Variants in USH2A observed in about 807,000 individuals in gnomAD.
The protein encoded by USH2A is Usher syndrome 2A (autosomal recessive, mild).
In USH2A, 443 loss-of-function variants were observed where a neutral mutation model predicts 538.9. The ratio of observed to expected loss-of-function variants is 0.82; its 90% CI spans 0.76 to 0.89. The LOEUF (loss-of-function observed/expected upper bound fraction) is 0.89. Among genes scored for constraint, USH2A ranks in the 40% least tolerant of loss-of-function variants. The pLI is 0.00. For missense variants in USH2A, 6,633 were observed against 6,324.8 expected (o/e 1.05, Z -1.65); for synonymous variants, 2,413 against 2,273.5 (o/e 1.06, Z -1.75).
intron 44 of USH2A, among the ~76,000 whole-genome samples, chr1:215,851,884 A>T (rs1466986216): frequency 6.6e-6 from 1 of 152,100 alleles, no homozygotes; most frequent in Non-Finnish European, 1.5e-5. Context: ...ATGGTTTAAC[A>T]TATGCAAGTC....
At chr1:216,214,915 T>C (rs893340583) in intron 15 of USH2A, among the ~76,000 whole-genome samples, 1 of 152,054 alleles carries the variant, frequency 6.6e-6, no homozygotes, top group Non-Finnish European at 1.5e-5. Context: ...CTAACTAGAA[T>C]ATCATTCGCT....
chr1:215,871,797 G>A (rs1664628416), intron 43 of USH2A, among the ~76,000 whole-genome samples: 1 of 152,120 alleles, frequency 6.6e-6, no homozygotes, highest in Non-Finnish European at 1.5e-5. Flanking sequence ...ATATCCAGCT[G>A]GGAAGTCTTC....
rs777589035 is a variant in USH2A, at chr1:216,089,029, C to T, written c.4869G>A (p.Leu1623=). Residue 1623 remains leucine (L), a synonymous_variant, in exon 23 of 72, where the codon CTG becomes CTA. Coordinates refer to ENST00000307340, the MANE Select transcript of USH2A (RefSeq NM_206933.4). The part of the protein sequence containing the change: ...IRHQAFGQIT[L]DGIYTGSSAI... ...AGTACTTACCTGTATATATCCCATC[C>T]AGAGTGATTTGGCCAAAAGCCTGAT... is the stretch of plus-strand genomic sequence containing the variant. 1.2e-6 allele frequency: 2 copies of T among 1,613,306 alleles called. No homozygotes were observed. Among genetic ancestry groups the T allele is most frequent in the Non-Finnish European group, 1.7e-6 (2 of 1,179,560 alleles).
rs538683557 is a variant in USH2A, at chr1:215,899,935, T to C, written c.7594+140A>G. The C allele has an allele frequency of 2.2e-5, 28 of 1,252,302 alleles. 1 individual carries two copies. In the South Asian group the frequency reaches 3.4e-4, roughly 15 times the overall value. The allele number at this position is 1,252,302 out of a possible 1,614,324, so 77.6% of individuals were successfully genotyped here. A position where few individuals can be genotyped will look rare whatever the true frequency, so the allele number is the denominator to read the frequency against. ...GGAGAGACTGACCACCTTTGCTCAC[T>C]CTCTTGCCCTAGAAAAGGTTATTGT... On this transcript the variant is annotated intron_variant, in intron 40 of 71. Transcript: ENST00000307340.
chr1:216,059,510 C>T (rs1558236212), intron 30 of USH2A, among the ~76,000 whole-genome samples: 1 of 152,192 alleles, frequency 6.6e-6, no homozygotes, highest in South Asian at 2.1e-4. Context: ...ATTTTCCATA[C>T]TGGATAGCAT....
In USH2A at chr1:215,681,332, AACACAC is replaced by A. The variant is rs10625816; in HGVS notation, c.12067-962_12067-957del. Among the ~76,000 whole-genome samples, 11 of 148,196 alleles carry A rather than the reference AACACAC, an allele frequency of 7.4e-5. No homozygotes were observed. In the East Asian group the frequency reaches 2.0e-3, roughly 27 times the overall value. ...GTTCATAGGTAAACACACACACACG[AACACAC>A]ACACACACACACACACACACTGGCA... On this transcript the variant is annotated intron_variant, in intron 61 of 71. Coordinates refer to ENST00000307340, the MANE Select transcript of USH2A (RefSeq NM_206933.4).
chr1:216,317,095 GAACACC>G (rs1558035039), intron 9 of USH2A, among the ~76,000 whole-genome samples: 4 of 152,156 alleles, frequency 2.6e-5, no homozygotes, highest in African/African-American at 9.7e-5. Flanking sequence ...GGAGAAAAGG[GAACACC>G]TTTACACTGT....
intron 62 of USH2A, 59 bp from the exon 63 acceptor site, chr1:215,675,675 A>T (rs2102667293): frequency 6.2e-7 from 1 of 1,613,004 alleles, no homozygotes; most frequent in Middle Eastern, 1.7e-4. Flanking sequence ...TTGTGTAGTT[A>T]CTTAGCCCCT....
At chr1:216,137,475 T>C (rs1343186850) in intron 21 of USH2A, among the ~76,000 whole-genome samples, 1 of 152,014 alleles carries the variant, frequency 6.6e-6, no homozygotes, top group East Asian at 1.9e-4. Context: ...GAGAATATCA[T>C]GTAAAAGAGT....
chr1:216,167,096 AT>A (rs1351872332), intron 21 of USH2A, among the ~76,000 whole-genome samples: 1 of 151,952 alleles, frequency 6.6e-6, no homozygotes, highest in African/African-American at 2.4e-5. Context: ...GCCTATGGCT[AT>A]GTTTGTGAGC....
intron 52 of USH2A, among the ~76,000 whole-genome samples, chr1:215,783,546 C>G (rs749897313): frequency 1.3e-5 from 2 of 152,092 alleles, no homozygotes; most frequent in Non-Finnish European, 2.9e-5. Flanking sequence ...AACAATAAAA[C>G]CAAGCCTGCT....
At chr1:215,896,623 A>G (rs924023240) in intron 40 of USH2A, among the ~76,000 whole-genome samples, 5 of 152,192 alleles carry the variant, frequency 3.3e-5, no homozygotes, top group Admixed American at 2.0e-4. Context: ...TAATTTCTAC[A>G]TGCATGTACT....
intron 37 of USH2A, among the ~76,000 whole-genome samples, chr1:215,952,209 C>A (rs1666938259): frequency 6.6e-6 from 1 of 152,152 alleles, no homozygotes; most frequent in Non-Finnish European, 1.5e-5. Flanking sequence ...CAACCCCTGA[C>A]TTTTTTAGTT....
At chr1:215,678,997 G>A (rs540748170) in intron 62 of USH2A, among the ~76,000 whole-genome samples, 87 of 152,284 alleles carry the variant, frequency 5.7e-4, no homozygotes, top group Non-Finnish European at 9.4e-4. Context: ...CCTTGGGGCC[G>A]TGATTTGGAT....
chr1:216,287,876 C>T (rs1274157435), intron 11 of USH2A, among the ~76,000 whole-genome samples: 2 of 152,142 alleles, frequency 1.3e-5, no homozygotes, highest in Non-Finnish European at 2.9e-5. Flanking sequence ...AAATAACAAT[C>T]TAACTATAAG....
chr1:215,882,511 A>G (rs17567651), intron 41 of USH2A, among the ~76,000 whole-genome samples: 7,822 of 152,188 alleles, frequency 0.051, 258 homozygotes, highest in Non-Finnish European at 0.073. Context: ...TATTTTTTCA[A>G]TCAGACAGAG....
At chr1:216,355,840 T>A (rs1029201717) in intron 4 of USH2A, among the ~76,000 whole-genome samples, 3 of 152,124 alleles carry the variant, frequency 2.0e-5, no homozygotes, top group South Asian at 2.1e-4. Context: ...AAAAATTAAA[T>A]ATGGTCATGG....
chr1:216,392,484 T>A (rs1370359070), intron 3 of USH2A, among the ~76,000 whole-genome samples: 2 of 93,588 alleles, frequency 2.1e-5, no homozygotes, highest in East Asian at 7.3e-4. Flanking sequence ...AGAGCAAGAC[T>A]CCGTCTCAAA....
intron 34 of USH2A, among the ~76,000 whole-genome samples, chr1:215,995,834 A>G (rs1279383594): frequency 6.6e-6 from 1 of 152,226 alleles, no homozygotes; most frequent in Non-Finnish European, 1.5e-5. Context: ...ATTTTGGTAC[A>G]ATAAAATGCA....
Sources: gnomAD v4.1 joint callset for allele counts (sites outside exome capture counted in the v4.1 genomes callset) on GRCh38, gnomAD v4.1.1 for gene constraint, MANE v1.5 for transcripts, NCBI Gene and HGNC (gene_info 2026-07-23, HGNC 2026-07-21) for gene names.